DPYD: variants seen among roughly 807,000 people sequenced by gnomAD.
DPYD encodes the protein dihydropyrimidine dehydrogenase [NADP(+)].
In DPYD, 109 loss-of-function variants were observed where a neutral mutation model predicts 116.2. The observed-to-expected ratio is 0.94, with a 90% CI of 0.80 to 1.10. The LOEUF (loss-of-function observed/expected upper bound fraction) is 1.10. Among genes scored for constraint, DPYD ranks in the 50% least tolerant of loss-of-function variants. The pLI, the probability that DPYD is intolerant of heterozygous loss-of-function variation, is 0.00. For missense variants in DPYD, 1,302 were observed against 1,254.5 expected (o/e 1.04, Z -0.57); for synonymous variants, 440 against 432.0 (o/e 1.02, Z -0.23).
chr1:97,851,095 T>C (rs545261200), intron 2 of DPYD, among the ~76,000 whole-genome samples: 2 of 152,102 alleles, frequency 1.3e-5, no homozygotes, highest in East Asian at 3.9e-4. Flanking sequence ...AAAGCAATGA[T>C]GCTCAAGGAG....
chr1:97,225,278 A>G (rs1661064434), intron 19 of DPYD, among the ~76,000 whole-genome samples: 1 of 151,990 alleles, frequency 6.6e-6, no homozygotes, highest in Admixed American at 6.5e-5. Flanking sequence ...ATCTTGTTTG[A>G]TAATAGTTAT....
chr1:97,328,507 C>T (rs139748366), intron 16 of DPYD, among the ~76,000 whole-genome samples: 1 of 152,248 alleles, frequency 6.6e-6, no homozygotes, highest in East Asian at 1.9e-4. Flanking sequence ...CACACTTGCT[C>T]CTGCCCTTGA....
At chr1:97,240,242 T>A in intron 18 of DPYD, among the ~76,000 whole-genome samples, 1 of 90,574 alleles carries the variant, frequency 1.1e-5, no homozygotes, top group South Asian at 5.8e-4. Context: ...TATTTAAGAT[T>A]TTTTTTTTTT....
At chr1:97,611,369 T>C (rs1032417472) in intron 8 of DPYD, among the ~76,000 whole-genome samples, 1 of 151,922 alleles carries the variant, frequency 6.6e-6, no homozygotes, top group Non-Finnish European at 1.5e-5. Context: ...AGCTATAAGA[T>C]GAGAGTTGGG....
intron 8 of DPYD, among the ~76,000 whole-genome samples, chr1:97,640,362 G>A (rs1657818129): frequency 6.6e-6 from 1 of 151,886 alleles, no homozygotes; most frequent in Admixed American, 6.6e-5. Context: ...AGGCTGGAGT[G>A]CAATGGCACC....
chr1:97,607,788 A>C (rs776784220), intron 8 of DPYD, among the ~76,000 whole-genome samples: 22 of 151,968 alleles, frequency 1.4e-4, no homozygotes, highest in Non-Finnish European at 3.1e-4. Context: ...AAAAATTTAA[A>C]ACATTATACA....
chr1:97,744,331 T>C (rs536860686), intron 3 of DPYD, among the ~76,000 whole-genome samples: 1 of 152,036 alleles, frequency 6.6e-6, no homozygotes, highest in Non-Finnish European at 1.5e-5. Flanking sequence ...TGAGAACAGA[T>C]GCCTGCTTCT....
rs186792489 is a variant in DPYD at position 97,260,946 on chromosome 1, C to T, written c.2300-25952G>A. Among the ~76,000 whole-genome samples the T allele has an allele frequency of 1.6e-3, 238 of 152,134 alleles. 1 individual carries two copies. Among genetic ancestry groups the T allele is most frequent in the Non-Finnish European group, 9.6e-4 (65 of 67,978 alleles). On this transcript the variant is annotated intron_variant, in intron 18 of 22. Coordinates refer to ENST00000370192, the MANE Select transcript of DPYD (RefSeq NM_000110.4). ...TAAGTACAAAATCAGATAAATGGAC[C>T]ACAGGCATATCAAACTTCAGAAATG...
intron 12 of DPYD, among the ~76,000 whole-genome samples, chr1:97,547,391 CT>C (rs1232081060): frequency 6.6e-6 from 1 of 152,118 alleles, no homozygotes; most frequent in Non-Finnish European, 1.5e-5. Flanking sequence ...GCAATAAACA[CT>C]TGGTAAAGCA....
At chr1:97,362,415 C>T (rs1369312121) in intron 16 of DPYD, among the ~76,000 whole-genome samples, 1 of 152,176 alleles carries the variant, frequency 6.6e-6, no homozygotes, top group Non-Finnish European at 1.5e-5. Context: ...CCCCATCAAG[C>T]TATCAATGAC....
intron 20 of DPYD, among the ~76,000 whole-genome samples, chr1:97,146,154 T>G (rs1182522931): frequency 6.6e-6 from 1 of 152,176 alleles, no homozygotes; most frequent in Non-Finnish European, 1.5e-5. Context: ...TAGATGAACC[T>G]AAAGCTTTGG....
chr1:97,784,867 T>C (rs550486090), intron 3 of DPYD, among the ~76,000 whole-genome samples: 1 of 152,222 alleles, frequency 6.6e-6, no homozygotes, highest in Admixed American at 6.5e-5. Context: ...AGCCAATACA[T>C]AAAATTTTAT....
chr1:97,366,633 C>T (rs529044514), intron 16 of DPYD, among the ~76,000 whole-genome samples: 12 of 152,282 alleles, frequency 7.9e-5, no homozygotes, highest in Middle Eastern at 3.4e-3. Context: ...TCCGGCATAA[C>T]TAAACATCAC....
intron 8 of DPYD, among the ~76,000 whole-genome samples, chr1:97,644,300 C>T (rs1658118207): frequency 6.6e-6 from 1 of 152,098 alleles, no homozygotes; most frequent in Admixed American, 6.6e-5. Flanking sequence ...TTTTATATAT[C>T]TACCAAAAGA....
Position 97,724,301 on chromosome 1 carries a change from GGGGGGGGTGTGTGTGTGTGTGTGT to G in DPYD, c.322-2654_322-2631del, listed in dbSNP as rs1199508788. Among the ~76,000 whole-genome samples, 10 of 15,532 alleles carry G rather than the reference GGGGGGGGTGTGTGTGTGTGTGTGT, an allele frequency of 6.4e-4. No individual in the cohort carries two copies. The East Asian group carries it at 0.017, about 27-fold the overall frequency. The allele number at this position is 15,532 out of a possible 152,430, so 10.2% of individuals were successfully genotyped here. A position where few individuals can be genotyped will look rare whatever the true frequency, so the allele number is the denominator to read the frequency against. On this transcript the variant is annotated intron_variant, in intron 4 of 22. Coordinates refer to ENST00000370192, the MANE Select transcript of DPYD (RefSeq NM_000110.4). ...AAAGAATAGGATGTATGTGGGGGGGGGGGGGGGTGTGTGTGTGTGTGTGTGTGTGTGTGTGTGTGTGTGTGTGTG... is the reference window on the plus strand; with the variant it reads ...AAAGAATAGGATGTATGTGGGGGGGGGTGTGTGTGTGTGTGTGTGTGTGTG...
At chr1:97,786,023 T>G (rs1054265519) in intron 3 of DPYD, among the ~76,000 whole-genome samples, 1 of 151,450 alleles carries the variant, frequency 6.6e-6, no homozygotes, top group Non-Finnish European at 1.5e-5. Flanking sequence ...CAATGATATC[T>G]TCCCAATTTG....
intron 15 of DPYD, among the ~76,000 whole-genome samples, chr1:97,374,060 A>G (rs2101519657): frequency 1.3e-5 from 2 of 152,318 alleles, no homozygotes; most frequent in East Asian, 3.9e-4. Flanking sequence ...TCCTTCCTAA[A>G]TAGCTTCTAT....
chr1:97,701,964 A>T (rs1661622921), intron 5 of DPYD, among the ~76,000 whole-genome samples: 2 of 150,264 alleles, frequency 1.3e-5, no homozygotes, highest in African/African-American at 5.0e-5. Flanking sequence ...TTGGTAATAA[A>T]ATAATTTCTT....
chr1:97,162,413 C>T (rs1477029395), intron 20 of DPYD, among the ~76,000 whole-genome samples: 3 of 152,042 alleles, frequency 2.0e-5, no homozygotes, highest in African/African-American at 7.2e-5. Flanking sequence ...CCTAGGAATC[C>T]AACTTACAAG....
Sources: allele counts gnomAD v4.1 joint callset (sites outside exome capture counted in the v4.1 genomes callset), GRCh38; gene constraint gnomAD v4.1.1; transcripts MANE v1.5; gene names NCBI Gene and HGNC (gene_info 2026-07-23, HGNC 2026-07-21).